Variants in KLHL1 observed in about 807,000 individuals in gnomAD.
KLHL1 encodes kelch-like protein 1.
In KLHL1, 47 loss-of-function variants were observed where a neutral mutation model predicts 77.7. The ratio of observed to expected loss-of-function variants is 0.60; its 90% CI spans 0.48 to 0.77. KLHL1 has a LOEUF of 0.77. KLHL1 is among the 30% of genes least tolerant of loss of function. The probability of loss-of-function intolerance (pLI) is 0.00; values close to 1 mark genes in which losing one functional copy is unlikely to be tolerated. For missense variants in KLHL1, 925 were observed against 910.8 expected (o/e 1.02, Z -0.20); for synonymous variants, 360 against 325.2 (o/e 1.11, Z -1.15).
At chr13:70,024,632 C>CTCTCTTTCTCTCTT (rs1182204893) in intron 1 of KLHL1, among the ~76,000 whole-genome samples, 44 of 84,760 alleles carry the variant, frequency 5.2e-4, no homozygotes, top group Non-Finnish European at 7.7e-4. Flanking sequence ...CTCTCTCTCT[C>CTCTCTTTCTCTCTT]TCTCTCTCTC....
chr13:69,813,503 C>CACACACACACACACACACACACAT (rs34163072), intron 6 of KLHL1, among the ~76,000 whole-genome samples: 1 of 148,840 alleles, frequency 6.7e-6, no homozygotes, highest in African/African-American at 2.5e-5. Flanking sequence ...CACACACACA[C>CACACACACACACACACACACACAT]ATATATATAT....
chr13:69,812,496 C>T (rs1593853692), intron 6 of KLHL1, among the ~76,000 whole-genome samples: 2 of 152,210 alleles, frequency 1.3e-5, no homozygotes, highest in African/African-American at 4.8e-5. Context: ...AACTAAAGAG[C>T]TTCTGCACAG....
chr13:69,749,859 T>A (rs1277380851), intron 7 of KLHL1, among the ~76,000 whole-genome samples: 19 of 151,954 alleles, frequency 1.3e-4, no homozygotes, highest in Admixed American at 1.2e-3. Flanking sequence ...TTGTTAATAT[T>A]ATCCATTCAG....
At chr13:70,027,525 T>C (rs1433892937) in intron 1 of KLHL1, among the ~76,000 whole-genome samples, 1 of 141,926 alleles carries the variant, frequency 7.0e-6, no homozygotes, top group African/African-American at 2.8e-5. Flanking sequence ...TTGCATTTCA[T>C]ACAGCAAAGG....
chr13:70,005,737 G>A (rs1416745746), intron 1 of KLHL1, among the ~76,000 whole-genome samples: 1 of 151,772 alleles, frequency 6.6e-6, no homozygotes, highest in Admixed American at 6.6e-5. Flanking sequence ...GTATAGCAGG[G>A]AAAATTATCA....
chr13:69,789,391 A>G (rs1204879815), intron 7 of KLHL1, among the ~76,000 whole-genome samples: 3 of 152,136 alleles, frequency 2.0e-5, no homozygotes, highest in South Asian at 2.1e-4. Context: ...TGGCAACAGC[A>G]TATATGTTAG....
chr13:69,976,871 A>G (rs1007248217), intron 1 of KLHL1, among the ~76,000 whole-genome samples: 10 of 152,238 alleles, frequency 6.6e-5, no homozygotes, highest in Admixed American at 6.5e-4. Context: ...TAAATTAATT[A>G]GAGTCATCTC....
intron 5 of KLHL1, 136 bp downstream of exon 5, chr13:69,882,147 A>T: frequency 1.5e-6 from 1 of 650,362 alleles, no homozygotes; most frequent in Non-Finnish European, 2.7e-6. Context: ...CCACCATCAA[A>T]TTTAACTTAA....
At chr13:69,975,248 A>C (rs550757260) in intron 2 of KLHL1, among the ~76,000 whole-genome samples, 1 of 152,038 alleles carries the variant, frequency 6.6e-6, no homozygotes, top group Non-Finnish European at 1.5e-5. Context: ...AGCATATTTC[A>C]TTTCAGATTT....
chr13:70,046,150 A>G (rs1420783487), intron 1 of KLHL1, among the ~76,000 whole-genome samples: 1 of 152,166 alleles, frequency 6.6e-6, no homozygotes, highest in African/African-American at 2.4e-5. Context: ...GGCAGAGGAT[A>G]CAACCAGTGA....
chr13:69,845,516 C>T (rs1879424555), intron 5 of KLHL1, among the ~76,000 whole-genome samples: 1 of 151,478 alleles, frequency 6.6e-6, no homozygotes, highest in Non-Finnish European at 1.5e-5. Flanking sequence ...GTATTGTTTA[C>T]TCTGTGAGCA....
At chr13:70,095,120 G>T (rs1425849472) in intron 1 of KLHL1, among the ~76,000 whole-genome samples, 10 of 151,978 alleles carry the variant, frequency 6.6e-5, no homozygotes, top group Admixed American at 2.6e-4. Context: ...CCAAATACTG[G>T]GTATTGCTTC....
At chr13:69,789,716 T>C (rs1407841569) in intron 7 of KLHL1, among the ~76,000 whole-genome samples, 1 of 152,206 alleles carries the variant, frequency 6.6e-6, no homozygotes, top group African/African-American at 2.4e-5. Context: ...ATTTCACTAT[T>C]GATGACAATA....
chr13:69,887,642 C>T (rs1030925048), intron 4 of KLHL1, among the ~76,000 whole-genome samples: 3 of 152,146 alleles, frequency 2.0e-5, no homozygotes, highest in Non-Finnish European at 4.4e-5. Context: ...AGTTCTTTGC[C>T]ACTTTATAAC....
At chr13:70,020,931 A>G (rs2137351830) in intron 1 of KLHL1, among the ~76,000 whole-genome samples, 1 of 152,176 alleles carries the variant, frequency 6.6e-6, no homozygotes, top group Non-Finnish European at 1.5e-5. Flanking sequence ...AAGTTTTTCC[A>G]CATATCCCCT....
Position 70,039,081 on chromosome 13 carries a change from G to A in KLHL1, c.498-63279C>T, listed in dbSNP as rs542439100. 1.8e-3 allele frequency among the ~76,000 whole-genome samples: 216 copies of A among 120,020 alleles called. 1 individual carries two copies. Among genetic ancestry groups the A allele is most frequent in the African/African-American group, 6.6e-3 (210 of 31,790 alleles). 78.7% of individuals were successfully genotyped at this position (120,020 alleles called of 152,430 possible). On this transcript the variant is annotated intron_variant, in intron 1 of 10. Coordinates refer to ENST00000377844, the MANE Select transcript of KLHL1 (RefSeq NM_020866.3). Reference sequence around the variant, plus strand: ...ATTTTTTTTTTTTTTTTTTTGTAATGGACAGGGTGTTACTCTATTTCCCAA... The same window carrying A: ...ATTTTTTTTTTTTTTTTTTTGTAATAGACAGGGTGTTACTCTATTTCCCAA...
chr13:69,940,933 T>A (rs1191026852), intron 3 of KLHL1, among the ~76,000 whole-genome samples: 1 of 151,970 alleles, frequency 6.6e-6, no homozygotes, highest in Non-Finnish European at 1.5e-5. Flanking sequence ...GACTTAACTA[T>A]CTGGAGTTAC....
chr13:69,849,140 T>C (rs2911515), intron 5 of KLHL1, among the ~76,000 whole-genome samples: 141,493 of 151,416 alleles, frequency 0.93, 66,340 homozygotes, highest in East Asian at 0.99. Context: ...GTGCTTATTT[T>C]GTCCAAGGTG....
chr13:69,794,520 A>G (rs970729833), intron 7 of KLHL1, among the ~76,000 whole-genome samples: 3 of 152,102 alleles, frequency 2.0e-5, no homozygotes, highest in South Asian at 2.1e-4. Flanking sequence ...AGAAAAAAAA[A>G]GAGGAGAAAA....
Sources: gnomAD v4.1 joint callset for allele counts (sites outside exome capture counted in the v4.1 genomes callset) on GRCh38, gnomAD v4.1.1 for gene constraint, MANE v1.5 for transcripts, NCBI Gene and HGNC (gene_info 2026-07-23, HGNC 2026-07-21) for gene names.